Variants in FAM216A observed in about 807,000 individuals in gnomAD.
FAM216A encodes the protein protein FAM216A.
In FAM216A, 26 loss-of-function variants were observed where a neutral mutation model predicts 37.6. The observed-to-expected ratio is 0.69, with a 90% CI of 0.51 to 0.96. The LOEUF is 0.96. Among genes scored for constraint, FAM216A ranks in the 40% least tolerant of loss-of-function variants. The probability of loss-of-function intolerance (pLI) is 0.00; values close to 1 mark genes in which losing one functional copy is unlikely to be tolerated. For missense variants in FAM216A, 326 were observed against 339.3 expected (o/e 0.96, Z 0.31); for synonymous variants, 110 against 121.7 (o/e 0.90, Z 0.64).
At chr12:110,471,642 G>T (rs1344768044) in intron 1 of FAM216A, among the ~76,000 whole-genome samples, 2 of 152,178 alleles carry the variant, frequency 1.3e-5, no homozygotes, top group Non-Finnish European at 2.9e-5. Flanking sequence ...AAAGGATCAC[G>T]CTGGTTGCTA....
At chr12:110,488,435 AAAG>A (rs2062789152) in intron 6 of FAM216A, among the ~76,000 whole-genome samples, 1 of 151,708 alleles carries the variant, frequency 6.6e-6, no homozygotes, top group African/African-American at 2.4e-5. Flanking sequence ...AAAGAAAAGA[AAAG>A]AAAAAAAGAA....
At chr12:110,474,411 C>T (rs552656221) in intron 2 of FAM216A, among the ~76,000 whole-genome samples, 11 of 151,826 alleles carry the variant, frequency 7.2e-5, no homozygotes, top group Admixed American at 1.3e-4. Flanking sequence ...ACTACTAGGC[C>T]GGGCACGGTG....
intron 2 of FAM216A, among the ~76,000 whole-genome samples, chr12:110,480,672 T>G (rs1396790171): frequency 1.3e-5 from 2 of 152,164 alleles, no homozygotes; most frequent in Non-Finnish European, 2.9e-5. Flanking sequence ...TTCACACTGT[T>G]GTGCAACCAC....
intron 1 of FAM216A, among the ~76,000 whole-genome samples, chr12:110,471,967 C>G (rs1056552852): frequency 2.0e-5 from 3 of 152,050 alleles, no homozygotes; most frequent in Non-Finnish European, 4.4e-5. Flanking sequence ...CGTGGTGGCT[C>G]ACACCTGTAA....
chr12:110,485,121 G>C lies in FAM216A; in HGVS notation c.228G>C (p.Lys76Asn). The change falls in exon 3 of 7, where the codon AAG becomes AAC. Residue 76 changes from lysine to asparagine, a missense_variant. Physicochemically the swap from Lys to Asn is moderately conservative, Grantham distance 94. Coordinates refer to ENST00000377673, the MANE Select transcript of FAM216A (RefSeq NM_013300.3). ...ACAAAGTGAACTCACACATAGCTAA[G>C]CTGCAAGAGTTATGGAAAACTCCCC... ...DGYKVNSHIAKLQELWKTPQN... is the reference protein window; with the variant it reads ...DGYKVNSHIANLQELWKTPQN... 6.2e-7 allele frequency: 1 copy of C among 1,612,646 alleles called. No individual in the cohort carries two copies. Among genetic ancestry groups the C allele is most frequent in the Non-Finnish European group, 8.5e-7 (1 of 1,179,382 alleles).
intron 2 of FAM216A, among the ~76,000 whole-genome samples, chr12:110,474,564 C>T (rs553110849): frequency 6.0e-5 from 9 of 149,438 alleles, no homozygotes; most frequent in Non-Finnish European, 4.5e-5. Flanking sequence ...TGGTGGTGCA[C>T]GTCCGTAGTC....
chr12:110,484,472 AATG>A (rs1288311252), intron 2 of FAM216A, among the ~76,000 whole-genome samples: 1 of 150,600 alleles, frequency 6.6e-6, no homozygotes, highest in Non-Finnish European at 1.5e-5. Context: ...AGTAAAGTTA[AATG>A]ATAATAAAAT....
intron 2 of FAM216A, among the ~76,000 whole-genome samples, chr12:110,481,009 T>C (rs970812496): frequency 6.6e-6 from 1 of 152,248 alleles, no homozygotes; most frequent in Non-Finnish European, 1.5e-5. Context: ...TCATAAAAGT[T>C]AAATCATACA....
intron 5 of FAM216A, 193 bp from the exon 6 acceptor site, chr12:110,487,668 G>A: frequency 1.8e-6 from 1 of 568,380 alleles, no homozygotes; most frequent in Non-Finnish European, 3.1e-6. Context: ...AAAAGATTAA[G>A]CAGCATGAGT....
At position 110,478,378 on chromosome 12, in the gene FAM216A, A is replaced by C. The variant is rs372026768; in HGVS notation, c.184+5260A>C. ...TGGTCCCCAAAGATGTTCACACTCT[A>C]ATCTCTCTAACCTGTAAATATGTTA... On this transcript the variant is annotated intron_variant, in intron 2 of 6. Transcript: ENST00000377673. Among the ~76,000 whole-genome samples, 7 of 152,310 alleles carry C rather than the reference A, an allele frequency of 4.6e-5. No homozygotes were observed. The South Asian group carries it at 8.3e-4, about 18-fold the overall frequency.
At chr12:110,484,980 G>A (rs2062768911) in intron 2 of FAM216A, 98 bp from the exon 3 acceptor site, 10 of 1,278,524 alleles carry the variant, frequency 7.8e-6, no homozygotes, top group Non-Finnish European at 1.1e-5. Context: ...GATTACAGGC[G>A]TGAGCCACCA....
chr12:110,475,919 TAG>T (rs1302986645), intron 2 of FAM216A, among the ~76,000 whole-genome samples: 2 of 151,982 alleles, frequency 1.3e-5, no homozygotes, highest in East Asian at 3.9e-4. Context: ...ATATTTTTAG[TAG>T]AGATAGGAGT....
upstream of FAM216A, chr12:110,468,833 C>T (rs1349209501): frequency 1.4e-6 from 2 of 1,471,684 alleles, no homozygotes; most frequent in Admixed American, 4.7e-5. Flanking sequence ...GCCGCCTCTC[C>T]GGAATACCAG....
chr12:110,469,272 T>G (rs2062664307), intron 1 of FAM216A: 1 of 403,462 alleles, frequency 2.5e-6, no homozygotes, highest in African/African-American at 2.1e-5. Context: ...ACGAGGTGAC[T>G]GCGACAGTCG....
intron 2 of FAM216A, among the ~76,000 whole-genome samples, chr12:110,484,456 CTA>C (rs1491550346): frequency 9.1e-6 from 1 of 110,328 alleles, no homozygotes; most frequent in Non-Finnish European, 1.9e-5. Flanking sequence ...AAAAAAAAAA[CTA>C]TATAGTAAAG....
chr12:110,484,853 C>A (rs1054253954), intron 2 of FAM216A, among the ~76,000 whole-genome samples: 1 of 151,820 alleles, frequency 6.6e-6, no homozygotes, highest in Admixed American at 6.6e-5. Context: ...CCCGGGTTCA[C>A]GCCATTCTCC....
chr12:110,474,386 T>A (rs2062703928), intron 2 of FAM216A, among the ~76,000 whole-genome samples: 1 of 151,876 alleles, frequency 6.6e-6, no homozygotes. Flanking sequence ...TATGTCAAAG[T>A]GTTTTAAAAT....
chr12:110,470,687 C>T (rs186216723), intron 1 of FAM216A, among the ~76,000 whole-genome samples: 4 of 152,124 alleles, frequency 2.6e-5, no homozygotes, highest in East Asian at 3.9e-4. Flanking sequence ...GCCTGTAATC[C>T]TGGAAGGTTC....
rs767908897 is a variant in FAM216A, at chr12:110,486,633, C to G, written c.536C>G (p.Ser179Trp). 3.7e-6 allele frequency: 6 copies of G among 1,614,080 alleles called. No homozygotes were observed. The highest frequency in any genetic ancestry group is 5.1e-6 in the Non-Finnish European group (6 of 1,180,012). The change falls in exon 5 of 7, where the codon TCG becomes TGG. Residue 179 changes from serine to tryptophan, a missense_variant. Ser to Trp is a radical substitution (Grantham distance 177). Transcript: ENST00000377673. ...CGACATCAACTGGAGAGAGAGGACT[C>G]GGGGTCTTCTGATATCGCAGCTGCA... The part of the protein sequence containing the change: ...TWRHQLERED[S>W]GSSDIAAASA...
Sources: gnomAD v4.1 joint callset for allele counts (sites outside exome capture counted in the v4.1 genomes callset) on GRCh38, gnomAD v4.1.1 for gene constraint, MANE v1.5 for transcripts, NCBI Gene and HGNC (gene_info 2026-07-23, HGNC 2026-07-21) for gene names.